The following SPNS3 variants were observed in gnomAD, a reference collection of about 807,000 sequenced individuals.
SPNS3 encodes the protein SPNS lysolipid transporter 3, sphingosine-1-phosphate (putative).
A neutral mutation model predicts 54.4 loss-of-function variants in SPNS3; 51 were observed. That is an observed-to-expected ratio of 0.94 (90% confidence interval 0.75 to 1.18). The LOEUF (loss-of-function observed/expected upper bound fraction) is 1.18, where lower values mean the gene tolerates loss of function less well. SPNS3 is among the 50% of genes most tolerant of loss of function. The pLI is 0.00. For synonymous variants in SPNS3, 309 were observed against 294.7 expected, an observed-to-expected ratio of 1.05 and a Z score of -0.50; for missense variants, 669 against 677.4, an observed-to-expected ratio of 0.99 and a Z score of 0.14.
At chr17:4,452,178 C>T (rs73340471) in intron 7 of SPNS3, among the ~76,000 whole-genome samples, 8,926 of 152,096 alleles carry the variant, frequency 0.059, 327 homozygotes, top group Middle Eastern at 0.13. Context: ...CTCACTGTGG[C>T]CTCGAACTTC....
At chr17:4,439,615 A>G in intron 1 of SPNS3, 43 bp from the exon 2 acceptor site, 2 of 1,591,396 alleles carry the variant, frequency 1.3e-6, no homozygotes. Context: ...AGAGGCCAGG[A>G]GGGCTACTTC....
chr17:4,466,198 A>G (rs1402784159), intron 8 of SPNS3, among the ~76,000 whole-genome samples: 1 of 152,266 alleles, frequency 6.6e-6, no homozygotes, highest in African/African-American at 2.4e-5. Context: ...GGAGTACAGC[A>G]TGAACAAAGC....
chr17:4,436,558 C>T lies in SPNS3; in HGVS notation c.199+2392C>T, dbSNP rs759074133. 2.6e-5 allele frequency among the ~76,000 whole-genome samples: 4 copies of T among 151,006 alleles called. No homozygotes were observed. The East Asian group carries it at 7.7e-4, about 29-fold the overall frequency. On this transcript the variant is annotated intron_variant, in intron 1 of 11. Transcript: ENST00000355530. ...GAAGCGGGAGGATTGCTTGAGGCTG[C>T]GGTGAGCCCTCTAGCCTGAGTGACA...
At chr17:4,474,710 A>G (rs183296540) in intron 8 of SPNS3, among the ~76,000 whole-genome samples, 180 of 151,878 alleles carry the variant, frequency 1.2e-3, no homozygotes, top group African/African-American at 4.2e-3. Context: ...ATGTTTGTGT[A>G]TGTGTGTGTG....
chr17:4,438,076 C>G (rs536739295), intron 1 of SPNS3, among the ~76,000 whole-genome samples: 3 of 152,220 alleles, frequency 2.0e-5, no homozygotes, highest in Non-Finnish European at 4.4e-5. Context: ...CGTGAGCCAC[C>G]ACGTCCCTCC....
chr17:4,457,746 C>T (rs571784235), intron 8 of SPNS3, among the ~76,000 whole-genome samples: 2 of 147,760 alleles, frequency 1.4e-5, no homozygotes, highest in South Asian at 2.1e-4. Flanking sequence ...AGCTGCCCCC[C>T]CCTCACCCCC....
In SPNS3 at chr17:4,453,024, T is replaced by C; in HGVS notation, c.932T>C (p.Phe311Ser). The change falls in exon 8 of 12, where the codon TTT becomes TCT. Residue 311 changes from phenylalanine to serine, a missense_variant. By Grantham distance (155) the Phe-to-Ser change is radical. Transcript: ENST00000355530. The stretch of plus-strand genomic sequence containing the variant: ...GTGCTCTTCCCCATCAGCCTGATTT[T>C]TGGGGCACTGACCATCATGACCGGC... Reference protein sequence around the residue: ...EPCSNPDSLIFGALTIMTGVI... With the variant: ...EPCSNPDSLISGALTIMTGVI... 6.2e-7 allele frequency: 1 copy of C among 1,613,540 alleles called. No homozygotes were observed. Among genetic ancestry groups the C allele is most frequent in the Non-Finnish European group, 8.5e-7 (1 of 1,179,612 alleles).
At chr17:4,446,359 C>T (rs904140043) in intron 4 of SPNS3, among the ~76,000 whole-genome samples, 160 bp downstream of exon 4, 4 of 152,150 alleles carry the variant, frequency 2.6e-5, no homozygotes, top group African/African-American at 7.2e-5. Flanking sequence ...CTCTCCTAGC[C>T]TCAGTTTCCT....
intron 2 of SPNS3, among the ~76,000 whole-genome samples, chr17:4,439,985 G>T (rs914531467): frequency 1.2e-4 from 18 of 152,274 alleles, no homozygotes; most frequent in Admixed American, 1.1e-3. Context: ...TCAGGTCCTC[G>T]CTGTGGAGCT....
At chr17:4,445,992 C>T in intron 3 of SPNS3, 56 bp from the exon 4 acceptor site, 6 of 1,544,230 alleles carry the variant, frequency 3.9e-6, no homozygotes, top group South Asian at 3.7e-5. Context: ...CCCTCGGGTC[C>T]CTGGCCCTAT....
chr17:4,484,257 G>T (rs755464539), intron 9 of SPNS3, among the ~76,000 whole-genome samples: 5 of 152,156 alleles, frequency 3.3e-5, no homozygotes, highest in Admixed American at 1.3e-4. Context: ...CCTCTCATGG[G>T]TTGTTCAAGT....
In SPNS3 at chr17:4,448,145, C is replaced by T. The variant is rs754381932; in HGVS notation, c.622-10C>T. The T allele has an allele frequency of 3.2e-6, 5 of 1,573,124 alleles. No individual in the cohort carries two copies. In the South Asian group the frequency reaches 5.9e-5, roughly 19 times the overall value. On this transcript the variant is annotated splice_polypyrimidine_tract_variant and intron_variant, in intron 5 of 11. Coordinates refer to ENST00000355530, the MANE Select transcript of SPNS3 (RefSeq NM_182538.5). ...GCGGCCCTGAGCTTCCTGGGCCCTC[C>T]TGTCCCCAGGTCATGCCCTGCCTGG... is the stretch of plus-strand genomic sequence containing the variant.
chr17:4,472,263 G>A lies in SPNS3; in HGVS notation c.1114-6309G>A, dbSNP rs543804542. On this transcript the variant is annotated intron_variant, in intron 8 of 11. Coordinates refer to ENST00000355530, the MANE Select transcript of SPNS3 (RefSeq NM_182538.5). ...CAGAATACTTTCCTCTGAGCTGGGTGTAGGCAGCTCTGCTCAGAAACCGAA... is the reference window on the plus strand; with the variant it reads ...CAGAATACTTTCCTCTGAGCTGGGTATAGGCAGCTCTGCTCAGAAACCGAA... Among the ~76,000 whole-genome samples the A allele has an allele frequency of 3.9e-5, 6 of 152,310 alleles. No homozygotes were observed. The South Asian group carries it at 8.3e-4, about 21-fold the overall frequency.
At chr17:4,478,479 G>A (rs1477181743) in intron 8 of SPNS3, 93 bp from the exon 9 acceptor site, 10 of 1,132,836 alleles carry the variant, frequency 8.8e-6, no homozygotes, top group African/African-American at 3.1e-5. Flanking sequence ...TCTCTGTAGC[G>A]TCCCAGTCTC....
rs763340171 is a variant in SPNS3, at chr17:4,446,054, T to G, written c.409T>G (p.Trp137Gly). 18 of 1,607,134 alleles carry G rather than the reference T, an allele frequency of 1.1e-5. No individual in the cohort carries two copies. In the East Asian group the frequency reaches 3.8e-4, roughly 34 times the overall value. ...CTTGTGCCTGCTCGCCCAGTATTCTTGGCTCTTCTTCCTGTCCCGGGGCAT... is the reference window on the plus strand; with the variant it reads ...CTTGTGCCTGCTCGCCCAGTATTCTGGGCTCTTCTTCCTGTCCCGGGGCAT... Reference protein sequence around the residue: ...SSSFISPRYSWLFFLSRGIVG... With the variant: ...SSSFISPRYSGLFFLSRGIVG... The change falls in exon 4 of 12, where the codon TGG becomes GGG. Residue 137 changes from tryptophan (W) to glycine (G), a missense_variant. Transcript: ENST00000355530.
chr17:4,483,652 T>A lies in SPNS3; in HGVS notation c.1180-2576T>A, dbSNP rs1972233829. 1 of 152,240 alleles carries A rather than the reference T, an allele frequency of 6.6e-6. No homozygotes were observed. Among genetic ancestry groups the A allele is most frequent in the African/African-American group, 2.4e-5 (1 of 41,444 alleles). 9.4% of individuals were successfully genotyped at this position (152,240 alleles called of 1,614,324 possible). On this transcript the variant is annotated intron_variant, in intron 9 of 11. Coordinates refer to ENST00000355530, the MANE Select transcript of SPNS3 (RefSeq NM_182538.5). This position sits in a 1 kb window ranked among gnomAD's most constrained non-coding sequence, Gnocchi z 4.2. ...CCAGAGCCACCAGTGAGTAATCACA[T>A]AATTATGGGGTGAGAAGGAAGTCCT... is the stretch of plus-strand genomic sequence containing the variant.
At chr17:4,435,548 G>A (rs1201833212) in intron 1 of SPNS3, among the ~76,000 whole-genome samples, 1 of 151,954 alleles carries the variant, frequency 6.6e-6, no homozygotes, top group African/African-American at 2.4e-5. Context: ...AGGGGTGGGT[G>A]GGTGAGGACA....
chr17:4,475,061 G>C (rs1220054982), intron 8 of SPNS3, among the ~76,000 whole-genome samples: 1 of 152,152 alleles, frequency 6.6e-6, no homozygotes, highest in Non-Finnish European at 1.5e-5. Flanking sequence ...GTGACAGTGT[G>C]AGCATGGATA....
intron 8 of SPNS3, among the ~76,000 whole-genome samples, chr17:4,467,813 CT>C: frequency 6.6e-6 from 1 of 152,246 alleles, no homozygotes; most frequent in African/African-American, 2.4e-5. Context: ...TTACAGGCAC[CT>C]GCCACCATGC....
Sources: gnomAD v4.1 joint callset for allele counts (sites outside exome capture counted in the v4.1 genomes callset) on GRCh38, gnomAD v4.1.1 for gene constraint, Gnocchi (gnomAD v3.1) non-coding constraint, MANE v1.5 for transcripts, NCBI Gene and HGNC (gene_info 2026-07-23, HGNC 2026-07-21) for gene names.